TRABD2A: variants seen among roughly 807,000 people sequenced by gnomAD.
The protein encoded by TRABD2A is metalloprotease TIKI1.
In TRABD2A, 43 loss-of-function variants were observed where a neutral mutation model predicts 45.6. The observed-to-expected ratio is 0.94, with a 90% CI of 0.74 to 1.22. The LOEUF is 1.22. TRABD2A is among the 50% of genes most tolerant of loss of function. The pLI is 0.00. For missense variants in TRABD2A, 642 were observed against 652.4 expected, an observed-to-expected ratio of 0.98 and a Z score of 0.17; for synonymous variants, 269 against 265.0, an observed-to-expected ratio of 1.02 and a Z score of -0.15.
At chr2:84,880,001 C>G (rs1465684181) in intron 1 of TRABD2A, among the ~76,000 whole-genome samples, 1 of 151,120 alleles carries the variant, frequency 6.6e-6, no homozygotes, top group Non-Finnish European at 1.5e-5. Flanking sequence ...CCCAACCCCC[C>G]CCACCCCCGC....
intron 2 of TRABD2A, among the ~76,000 whole-genome samples, chr2:84,868,248 A>G (rs868497001): frequency 2.6e-5 from 4 of 152,206 alleles, no homozygotes; most frequent in Admixed American, 6.5e-5. Context: ...TTGGAATACT[A>G]TGCAGCCATA....
In TRABD2A at chr2:84,822,061, C is replaced by T; in HGVS notation, c.1374G>A (p.Arg458=). ...VPQLQVPVLD[R]HISTELRLPR... ...GGAGCCGCAGTTCAGTGGAGATGTGCCTGTCCAGGACAGGGACCTGGAGTT... is the reference window on the plus strand; with the variant it reads ...GGAGCCGCAGTTCAGTGGAGATGTGTCTGTCCAGGACAGGGACCTGGAGTT... The change falls in exon 7 of 7, where the codon AGG becomes AGA. Residue 458 remains arginine (R), a synonymous_variant. Transcript: ENST00000409520. 1 of 1,588,824 alleles carries T rather than the reference C, an allele frequency of 6.3e-7. No homozygotes were observed. The highest frequency in any genetic ancestry group is 8.6e-7 in the Non-Finnish European group (1 of 1,167,762).
chr2:84,868,635 G>T (rs1362914172), intron 2 of TRABD2A, among the ~76,000 whole-genome samples: 1 of 151,972 alleles, frequency 6.6e-6, no homozygotes, highest in Non-Finnish European at 1.5e-5. Flanking sequence ...AAACCTGCAC[G>T]TTGTGCACAT....
chr2:84,877,519 C>A (rs531660126), intron 1 of TRABD2A, among the ~76,000 whole-genome samples: 1 of 152,198 alleles, frequency 6.6e-6, no homozygotes, highest in East Asian at 1.9e-4. Flanking sequence ...GCAGGAGGAC[C>A]ATTTGAGGCC....
chr2:84,866,960 C>T (rs1038577996), intron 2 of TRABD2A, among the ~76,000 whole-genome samples: 2 of 152,030 alleles, frequency 1.3e-5, no homozygotes, highest in Non-Finnish European at 2.9e-5. Context: ...TGGCGGGTGC[C>T]TGTAATCCCA....
At chr2:84,860,105 C>T (rs1340541068) in intron 2 of TRABD2A, among the ~76,000 whole-genome samples, 1 of 152,140 alleles carries the variant, frequency 6.6e-6, no homozygotes, top group Non-Finnish European at 1.5e-5. Flanking sequence ...AGGTGAAAAA[C>T]CTTCTACAGA....
chr2:84,846,839 G>T (rs1321244620), intron 2 of TRABD2A, among the ~76,000 whole-genome samples: 2 of 152,224 alleles, frequency 1.3e-5, no homozygotes, highest in Non-Finnish European at 2.9e-5. Flanking sequence ...TCCTTACAGG[G>T]TTTCCTTGGA....
chr2:84,862,512 C>T (rs549829228), intron 2 of TRABD2A, among the ~76,000 whole-genome samples: 4 of 152,306 alleles, frequency 2.6e-5, no homozygotes, highest in East Asian at 1.9e-4. Context: ...ACCCCAAAAG[C>T]AGCTGGGCAG....
At chr2:84,822,810 A>G (rs1681035512) in intron 6 of TRABD2A, among the ~76,000 whole-genome samples, 1 of 152,214 alleles carries the variant, frequency 6.6e-6, no homozygotes. Context: ...ATCACACAGC[A>G]TATCACATAT....
intron 5 of TRABD2A, among the ~76,000 whole-genome samples, chr2:84,824,545 GCTTT>G (rs1681097401): frequency 8.2e-6 from 1 of 121,722 alleles, no homozygotes; most frequent in South Asian, 2.6e-4. Flanking sequence ...GACAATTATA[GCTTT>G]TTTTTTTTTT....
chr2:84,852,093 G>C (rs1455258780), intron 2 of TRABD2A, among the ~76,000 whole-genome samples: 1 of 152,132 alleles, frequency 6.6e-6, no homozygotes, highest in Non-Finnish European at 1.5e-5. Context: ...CATCTCCTCT[G>C]GTTATGTTGT....
intron 3 of TRABD2A, 78 bp from the exon 4 acceptor site, chr2:84,839,401 C>T (rs2105380071): frequency 7.3e-7 from 1 of 1,376,072 alleles, no homozygotes; most frequent in African/African-American, 1.5e-5. Context: ...GCATCAAATC[C>T]CCCAACCTAG....
At chr2:84,831,758 C>T (rs993009649) in intron 5 of TRABD2A, among the ~76,000 whole-genome samples, 4 of 152,138 alleles carry the variant, frequency 2.6e-5, no homozygotes, top group Admixed American at 2.0e-4. Context: ...TTTCCCCTAC[C>T]CCTCAACCCC....
intron 2 of TRABD2A, among the ~76,000 whole-genome samples, chr2:84,843,225 T>C (rs1165892862): frequency 6.6e-6 from 1 of 152,114 alleles, no homozygotes; most frequent in Non-Finnish European, 1.5e-5. Context: ...GGATGCTGCC[T>C]TTGCTGGAAT....
rs950549766 is a variant in TRABD2A, at chr2:84,837,914, A to C, written c.991+1235T>G. 10 of 294,560 alleles carry C rather than the reference A, an allele frequency of 3.4e-5. No individual in the cohort carries two copies. The Admixed American group carries it at 3.4e-4, about 10-fold the overall frequency. 18.2% of individuals were successfully genotyped at this position (294,560 alleles called of 1,614,324 possible). ...ATACCCCCTATGGGATTTTGCTTTTAAGTTTTTTGGGCAGCCCCTTGTAAG... is the reference window on the plus strand; with the variant it reads ...ATACCCCCTATGGGATTTTGCTTTTCAGTTTTTTGGGCAGCCCCTTGTAAG... On this transcript the variant is annotated intron_variant, in intron 4 of 6. Coordinates refer to ENST00000409520, the MANE Select transcript of TRABD2A (RefSeq NM_001277053.2).
chr2:84,870,357 G>A lies in TRABD2A; in HGVS notation c.537C>T (p.Asp179=). 6.2e-7 allele frequency: 1 copy of A among 1,614,034 alleles called. No homozygotes were observed. Among genetic ancestry groups the A allele is most frequent in the Non-Finnish European group, 8.5e-7 (1 of 1,179,896 alleles). ...MLMVNSLTEV[D]IKSRGVPVLD... is the part of the protein sequence containing the mutation. ...AGACAGGCACTCCACGGGACTTAAT[G>A]TCCACTTCAGTCAGGGAGTTGACCA... Residue 179 remains aspartate (D), a synonymous_variant, in exon 2 of 7, where the codon GAC becomes GAT. Coordinates refer to ENST00000409520, the MANE Select transcript of TRABD2A (RefSeq NM_001277053.2).
At chr2:84,861,933 G>T (rs1015497133) in intron 2 of TRABD2A, among the ~76,000 whole-genome samples, 8 of 152,338 alleles carry the variant, frequency 5.3e-5, no homozygotes, top group Middle Eastern at 3.4e-3. Flanking sequence ...AGCTCTAAAT[G>T]ACTGTGAATG....
chr2:84,878,897 A>G (rs1683117422), intron 1 of TRABD2A, among the ~76,000 whole-genome samples: 1 of 152,256 alleles, frequency 6.6e-6, no homozygotes, highest in Admixed American at 6.5e-5. Context: ...GGGGTAAGAC[A>G]GAGTTTGCCC....
intron 1 of TRABD2A, among the ~76,000 whole-genome samples, chr2:84,871,526 G>A (rs1682872314): frequency 6.6e-6 from 1 of 151,604 alleles, no homozygotes; most frequent in Non-Finnish European, 1.5e-5. Context: ...CTGTTGCCCA[G>A]GCTGGAGTGC....
Sources: gnomAD v4.1 joint callset for allele counts (sites outside exome capture counted in the v4.1 genomes callset) on GRCh38, gnomAD v4.1.1 for gene constraint, MANE v1.5 for transcripts, NCBI Gene and HGNC (gene_info 2026-07-23, HGNC 2026-07-21) for gene names.